Variants in TASOR observed in about 807,000 individuals in gnomAD.
TASOR encodes the protein transcription activation suppressor.
A neutral mutation model predicts 178.6 loss-of-function variants in TASOR; 53 were observed. The observed-to-expected ratio is 0.30, with a 90% CI of 0.24 to 0.37. The LOEUF (loss-of-function observed/expected upper bound fraction) is 0.37, where lower values mean the gene tolerates loss of function less well. TASOR is among the 10% of genes least tolerant of loss of function. The pLI is 1.00. For synonymous variants in TASOR, 713 were observed against 696.2 expected (o/e 1.02, Z -0.38); for missense variants, 1,815 against 1,971.4 (o/e 0.92, Z 1.50).
intron 17 of TASOR, among the ~76,000 whole-genome samples, chr3:56,636,391 G>GTT (rs2077017146): frequency 6.6e-6 from 1 of 150,620 alleles, no homozygotes; most frequent in Non-Finnish European, 1.5e-5. Context: ...TTTTGTTGTT[G>GTT]GTGGTGGTGG....
At chr3:56,638,017 T>G (rs1353827277) in intron 17 of TASOR, among the ~76,000 whole-genome samples, 1 of 152,158 alleles carries the variant, frequency 6.6e-6, no homozygotes, top group Non-Finnish European at 1.5e-5. Context: ...AGACTATGAA[T>G]AGTATACCTA....
At position 56,682,115 on chromosome 3, in the gene TASOR, A is replaced by C. The variant is rs886324054; in HGVS notation, c.331+561T>G. 1.5e-4 allele frequency among the ~76,000 whole-genome samples: 23 copies of C among 152,254 alleles called. No individual in the cohort carries two copies. The East Asian group carries it at 1.5e-3, about 10-fold the overall frequency. ...AGGGGGAAAAATCTACATGGAAATGAAGTGTGATGGAAAACAGCAGTGTGC... is the reference window on the plus strand; with the variant it reads ...AGGGGGAAAAATCTACATGGAAATGCAGTGTGATGGAAAACAGCAGTGTGC... On this transcript the variant is annotated intron_variant, in intron 1 of 23. Coordinates refer to ENST00000683822, the MANE Select transcript of TASOR (RefSeq NM_001365635.2).
intron 23 of TASOR, among the ~76,000 whole-genome samples, chr3:56,624,052 G>A (rs1039662657): frequency 1.3e-5 from 2 of 152,098 alleles, no homozygotes; most frequent in African/African-American, 4.8e-5. Flanking sequence ...TTAAAGCTAT[G>A]ACAGCTCTAC....
At position 56,636,690 on chromosome 3, in the gene TASOR, C is replaced by T. The variant is rs557523734; in HGVS notation, c.2824+2016G>A. On this transcript the variant is annotated intron_variant, in intron 17 of 23. Transcript: ENST00000683822. The stretch of plus-strand genomic sequence containing the variant: ...TGCTGGGATTACAAACATGAGACAC[C>T]GTGCTTTTTTAAAAAAAAACTTATT... Among the ~76,000 whole-genome samples, 13 of 151,766 alleles carry T rather than the reference C, an allele frequency of 8.6e-5. No individual in the cohort carries two copies. The East Asian group carries it at 1.9e-3, about 23-fold the overall frequency.
Position 56,633,745 on chromosome 3 carries a change from T to C in TASOR, c.3046A>G (p.Thr1016Ala). Reference sequence around the variant, plus strand: ...TCTCCTAACACTGTCCTCTCTGTGGTTTCGCTCACTGCAGGCGGCTCTGCC... The same window carrying C: ...TCTCCTAACACTGTCCTCTCTGTGGCTTCGCTCACTGCAGGCGGCTCTGCC... ...AEAEPPAVSE[T>A]TERTVLGEYN... The change falls in exon 18 of 24, where the codon ACC (threonine) becomes GCC (alanine). Residue 1016 changes from threonine (T) to alanine (A), a missense_variant. Thr to Ala is a moderately conservative substitution (Grantham distance 58). Coordinates refer to ENST00000683822, the MANE Select transcript of TASOR (RefSeq NM_001365635.2). The C allele has an allele frequency of 6.2e-7, 1 of 1,614,194 alleles. No individual in the cohort carries two copies.
At chr3:56,624,325 G>A (rs544001644) in intron 23 of TASOR, among the ~76,000 whole-genome samples, 154 bp downstream of exon 23, 11 of 152,296 alleles carry the variant, frequency 7.2e-5, no homozygotes, top group Non-Finnish European at 1.2e-4. Flanking sequence ...TGCATGCTAA[G>A]TATTAGAATG....
chr3:56,635,923 A>T (rs894805970), intron 17 of TASOR, among the ~76,000 whole-genome samples: 9 of 152,196 alleles, frequency 5.9e-5, no homozygotes, highest in Non-Finnish European at 4.4e-5. Context: ...ATAATTAAAA[A>T]CCTCTAAACC....
chr3:56,641,239 G>A, intron 15 of TASOR, 110 bp downstream of exon 15: 2 of 1,091,220 alleles, frequency 1.8e-6, no homozygotes, highest in South Asian at 1.8e-5. Flanking sequence ...ACTCAAAAGT[G>A]CATTTTATTT....
chr3:56,668,092 T>C (rs1559849239), intron 6 of TASOR, among the ~76,000 whole-genome samples: 1 of 152,110 alleles, frequency 6.6e-6, no homozygotes, highest in Non-Finnish European at 1.5e-5. Context: ...GGTTTCAAAA[T>C]GAAATGAGGT....
intron 1 of TASOR, among the ~76,000 whole-genome samples, chr3:56,681,600 T>C (rs1306767552): frequency 6.6e-6 from 1 of 152,198 alleles, no homozygotes; most frequent in Non-Finnish European, 1.5e-5. Flanking sequence ...CAAGACTCTG[T>C]ACCAGATGGA....
At chr3:56,667,038 A>C (rs1158300856) in intron 6 of TASOR, among the ~76,000 whole-genome samples, 1 of 152,218 alleles carries the variant, frequency 6.6e-6, no homozygotes, top group Non-Finnish European at 1.5e-5. Flanking sequence ...TGATTTCAAT[A>C]ATGTTGTTAT....
chr3:56,664,869 CA>C (rs971710547), intron 7 of TASOR, among the ~76,000 whole-genome samples: 5 of 151,414 alleles, frequency 3.3e-5, no homozygotes, highest in Non-Finnish European at 1.5e-5. Flanking sequence ...AACAGAAAAC[CA>C]AAAAAAAGGA....
intron 1 of TASOR, among the ~76,000 whole-genome samples, chr3:56,680,227 A>G (rs1251540209): frequency 6.6e-6 from 1 of 152,198 alleles, no homozygotes; most frequent in Non-Finnish European, 1.5e-5. Context: ...ACTTCTCAGT[A>G]CTTTAGTCTC....
chr3:56,633,626 T>C lies in TASOR; in HGVS notation c.3165A>G (p.Gln1055=), dbSNP rs778574434. Residue 1055 remains glutamine, a synonymous_variant, in exon 18 of 24, where the codon CAA becomes CAG. Transcript: ENST00000683822. Reference sequence around the variant, plus strand: ...ACTCGGAAAGCCGTTTCATCTTCTCTTGTGTTGAAAAGATAGGTGTGGAAA... The same window carrying C: ...ACTCGGAAAGCCGTTTCATCTTCTCCTGTGTTGAAAAGATAGGTGTGGAAA... The part of the protein sequence containing the change: ...STVSTPIFST[Q]EKMKRLSEFI... 2.3e-5 allele frequency: 37 copies of C among 1,613,894 alleles called. No individual in the cohort carries two copies. Among genetic ancestry groups the C allele is most frequent in the Non-Finnish European group, 2.6e-5 (31 of 1,179,978 alleles).
chr3:56,631,061 G>C (rs915096510), intron 18 of TASOR, among the ~76,000 whole-genome samples: 6 of 152,050 alleles, frequency 3.9e-5, no homozygotes, highest in Non-Finnish European at 5.9e-5. Context: ...TAGGGAACTT[G>C]TTGCTGGCTG....
intron 8 of TASOR, among the ~76,000 whole-genome samples, chr3:56,663,131 C>A: frequency 6.6e-6 from 1 of 151,844 alleles, no homozygotes; most frequent in Non-Finnish European, 1.5e-5. Flanking sequence ...TGCAGTGAGC[C>A]GAGATCACGC....
At chr3:56,673,013 G>A (rs929981261) in intron 2 of TASOR, among the ~76,000 whole-genome samples, 5 of 151,984 alleles carry the variant, frequency 3.3e-5, no homozygotes, top group East Asian at 1.9e-4. Flanking sequence ...GTTTTGCCAC[G>A]TTGGCCAGGC....
chr3:56,672,009 C>T lies in TASOR; in HGVS notation c.478-317G>A, dbSNP rs182841379. The stretch of plus-strand genomic sequence containing the variant: ...ATCTTCCATTTTACTTAACATGGTA[C>T]ACTGCATCCAACAGGTGGTTTAATA... On this transcript the variant is annotated intron_variant, in intron 2 of 23. Coordinates refer to ENST00000683822, the MANE Select transcript of TASOR (RefSeq NM_001365635.2). Among the ~76,000 whole-genome samples, 26 of 152,248 alleles carry T rather than the reference C, an allele frequency of 1.7e-4. No individual in the cohort carries two copies. In the East Asian group the frequency reaches 5.0e-3, roughly 29 times the overall value.
Position 56,622,301 on chromosome 3 carries a change from A to AAAAATATATTCCCAT in TASOR, c.*721_*735dup, listed in dbSNP as rs2076704686. On this transcript the variant is annotated 3_prime_UTR_variant, in exon 24 of 24. Coordinates refer to ENST00000683822, the MANE Select transcript of TASOR (RefSeq NM_001365635.2). ...TGGTAATTACTACTAAGACCACCTC[A>AAAAATATATTCCCAT]AAAATATATTCCCATTATACTTCCA... 2.0e-5 allele frequency: 3 copies of AAAAATATATTCCCAT among 152,164 alleles called. No individual in the cohort carries two copies. The highest frequency in any genetic ancestry group is 1.3e-4 in the Admixed American group (2 of 15,274). The allele number at this position is 152,164 out of a possible 1,614,324, so 9.4% of individuals were successfully genotyped here. A position where few individuals can be genotyped will look rare whatever the true frequency, so the allele number is the denominator to read the frequency against.
Sources: gnomAD v4.1 joint callset for allele counts (sites outside exome capture counted in the v4.1 genomes callset) on GRCh38, gnomAD v4.1.1 for gene constraint, MANE v1.5 for transcripts, NCBI Gene and HGNC (gene_info 2026-07-23, HGNC 2026-07-21) for gene names.